UTY: variants seen among roughly 807,000 people sequenced by gnomAD.
The protein encoded by UTY is ubiquitously transcribed tetratricopeptide repeat containing, Y-linked, also known as histone demethylase UTY.
Under a neutral mutation model 32.5 loss-of-function variants are expected in UTY, and 12 were observed. That is an observed-to-expected ratio of 0.37 (90% CI 0.24 to 0.60). The LOEUF is 0.60. Among genes scored for constraint, UTY ranks in the 20% least tolerant of loss-of-function variants. UTY has a pLI of 0.69. For synonymous variants in UTY, 131 were observed against 103.4 expected (o/e 1.27, Z -1.62); for missense variants, 303 against 299.2 (o/e 1.01, Z -0.09).
At chrY:13,296,945 C>G (rs924717490) in intron 27 of UTY, among the ~76,000 whole-genome samples, 3 of 33,942 alleles carry the variant, frequency 8.8e-5, no homozygotes, top group African/African-American at 3.5e-4. Context: ...CCTGGTCCTT[C>G]AACTCTTTCA....
chrY:13,374,643 T>G, intron 8 of UTY, among the ~76,000 whole-genome samples: 1 of 33,289 alleles, frequency 3.0e-5, no homozygotes, highest in South Asian at 6.7e-4. Context: ...TAGTAATACT[T>G]AAGACTCATC....
intron 25 of UTY, among the ~76,000 whole-genome samples, chrY:13,301,266 A>G: frequency 6.0e-5 from 2 of 33,084 alleles, no homozygotes; most frequent in Non-Finnish European, 1.5e-4. Context: ...GGAAAAAATT[A>G]TAAGCATAGC....
chrY:13,373,661 T>C (rs746054505), intron 8 of UTY, among the ~76,000 whole-genome samples: 2 of 32,726 alleles, frequency 6.1e-5, no homozygotes, highest in African/African-American at 2.4e-4. Flanking sequence ...AAGAAAAAAA[T>C]AGTAAATGTC....
chrY:13,352,320 A>G (rs2062474116), intron 17 of UTY, among the ~76,000 whole-genome samples: 1 of 32,592 alleles, frequency 3.1e-5, no homozygotes, highest in African/African-American at 1.2e-4. Context: ...TTTTTTTTTA[A>G]TTTTTTGAAA....
At chrY:13,265,603 CT>C (rs2055705920) in intron 27 of UTY, among the ~76,000 whole-genome samples, 1 of 33,767 alleles carries the variant, frequency 3.0e-5, no homozygotes, top group African/African-American at 1.2e-4. Context: ...TGAAACTTTG[CT>C]GAAGTTGCTT....
At chrY:13,287,136 G>A in intron 27 of UTY, 1 of 360,681 alleles carries the variant, frequency 2.8e-6, no homozygotes, top group Non-Finnish European at 4.0e-6. Context: ...TAAAGCCACT[G>A]CAGTGGGAGT....
chrY:13,238,877 AG>A (rs2053874343), intron 28 of UTY, among the ~76,000 whole-genome samples: 2 of 34,143 alleles, frequency 5.9e-5, no homozygotes, highest in Admixed American at 5.3e-4. Flanking sequence ...GAAAATTGGA[AG>A]TGATTGATAC....
downstream of UTY, among the ~76,000 whole-genome samples, chrY:13,244,612 A>C: frequency 1.5e-4 from 5 of 33,167 alleles, no homozygotes; most frequent in Admixed American, 1.4e-3. Flanking sequence ...AGCTAATGAA[A>C]AAAACCAACA....
chrY:13,433,561 A>G (rs2074245568), intron 4 of UTY, among the ~76,000 whole-genome samples: 1 of 34,004 alleles, frequency 2.9e-5, no homozygotes, highest in South Asian at 6.4e-4. Flanking sequence ...CAAGAGATTT[A>G]GACTTCTAGA....
exon 29 of UTY, chrY:13,234,744 G>A (rs1253478466): frequency 7.5e-6 from 1 of 132,555 alleles, no homozygotes; most frequent in Non-Finnish European, 1.6e-5. Context: ...TGTCTGCTCA[G>A]CTCTGCCTGA....
chrY:13,284,524 T>C, intron 27 of UTY, among the ~76,000 whole-genome samples: 1 of 33,887 alleles, frequency 3.0e-5, no homozygotes, highest in African/African-American at 1.1e-4. Flanking sequence ...GTCTATAAAA[T>C]CTTACCTTAT....
intron 3 of UTY, among the ~76,000 whole-genome samples, chrY:13,450,823 GA>G (rs762785728): frequency 2.4e-3 from 42 of 17,272 alleles, no homozygotes; most frequent in African/African-American, 7.0e-3. Flanking sequence ...GACTCTGTCT[GA>G]AAAAAAAAAA....
At chrY:13,378,903 A>G in intron 8 of UTY, among the ~76,000 whole-genome samples, 1 of 33,010 alleles carries the variant, frequency 3.0e-5, no homozygotes, top group South Asian at 6.8e-4. Flanking sequence ...TGGCTGGGCT[A>G]ATCTTCAACT....
At chrY:13,266,409 G>A (rs2055801697) in intron 27 of UTY, among the ~76,000 whole-genome samples, 1 of 32,503 alleles carries the variant, frequency 3.1e-5, no homozygotes, top group African/African-American at 1.2e-4. Context: ...TTCCTTATTA[G>A]TCTGGATAGT....
chrY:13,237,780 AT>A (rs2053864459), intron 28 of UTY, among the ~76,000 whole-genome samples: 1 of 33,233 alleles, frequency 3.0e-5, no homozygotes, highest in Admixed American at 2.7e-4. Flanking sequence ...TGACTCTGGA[AT>A]TTAGGTATAA....
intron 16 of UTY, chrY:13,355,710 A>G: frequency 7.3e-5 from 25 of 344,823 alleles, no homozygotes; most frequent in Non-Finnish European, 9.8e-5. Flanking sequence ...AATCCTTCAA[A>G]TCAATCATTT....
intron 10 of UTY, among the ~76,000 whole-genome samples, 154 bp from the exon 11 acceptor site, chrY:13,360,682 A>G (rs372639886): frequency 8.0e-4 from 27 of 33,897 alleles, no homozygotes; most frequent in South Asian, 1.9e-3. Flanking sequence ...TTGTCGATGT[A>G]CATTATATGA....
At chrY:13,418,284 C>T in intron 4 of UTY, among the ~76,000 whole-genome samples, 1 of 31,848 alleles carries the variant, frequency 3.1e-5, no homozygotes, top group Non-Finnish European at 7.6e-5. Context: ...GTATACGTGA[C>T]ACATTTTCTT....
chrY:13,417,497 A>G (rs2071839720), intron 4 of UTY, among the ~76,000 whole-genome samples: 1 of 33,732 alleles, frequency 3.0e-5, no homozygotes, highest in Non-Finnish European at 7.3e-5. Flanking sequence ...CTTTTCTGAT[A>G]CAGTCTCTTT....
Sources: gnomAD v4.1 joint callset for allele counts (sites outside exome capture counted in the v4.1 genomes callset) on GRCh38, gnomAD v4.1.1 for gene constraint, MANE v1.5 for transcripts, NCBI Gene and HGNC (gene_info 2026-07-23, HGNC 2026-07-21) for gene names.